CDK12: variants seen among roughly 807,000 people sequenced by gnomAD.
The protein encoded by CDK12 is cyclin dependent kinase 12, also known as cyclin-dependent kinase 12.
Under a neutral mutation model 133.8 loss-of-function variants are expected in CDK12, and 17 were observed. That is an observed-to-expected ratio of 0.13 (90% CI 0.09 to 0.19). CDK12 has a LOEUF of 0.19. Among genes scored for constraint, CDK12 ranks in the 10% least tolerant of loss-of-function variants. The pLI, the probability that CDK12 is intolerant of heterozygous loss-of-function variation, is 1.00. For synonymous variants in CDK12, 694 were observed against 683.6 expected (o/e 1.02, Z -0.24); for missense variants, 1,508 against 1,818.7 (o/e 0.83, Z 3.11).
chr17:39,537,979 C>A (rs990531632), downstream of CDK12, among the ~76,000 whole-genome samples: 1 of 151,930 alleles, frequency 6.6e-6, no homozygotes, highest in South Asian at 2.1e-4. Context: ...TCAGGAAGAC[C>A]CCATTAAAGC....
At chr17:39,543,488 C>A (rs1268298885), upstream of CDK12, among the ~76,000 whole-genome samples, 1 of 152,144 alleles carries the variant, frequency 6.6e-6, no homozygotes, top group Admixed American at 6.5e-5. Context: ...TGGAGCATGC[C>A]TAGGCTGGAA....
chr17:39,555,838 C>T (rs1271217656), intron 2 of CDK12, among the ~76,000 whole-genome samples: 1 of 22,896 alleles, frequency 4.4e-5, no homozygotes, highest in Non-Finnish European at 1.5e-4. Flanking sequence ...TACACACACA[C>T]ACACACACAC....
Position 39,533,941 on chromosome 17 carries a change from A to G in CDK12, c.*2625A>G, listed in dbSNP as rs1251972012. 1 of 232,136 alleles carries G rather than the reference A, an allele frequency of 4.3e-6. No individual in the cohort carries two copies. Among genetic ancestry groups the G allele is most frequent in the African/African-American group, 2.2e-5 (1 of 45,298 alleles). 14.4% of individuals were successfully genotyped at this position (232,136 alleles called of 1,614,324 possible). A position where few individuals can be genotyped will look rare whatever the true frequency, so the allele number is the denominator to read the frequency against. Reference sequence around the variant, plus strand: ...TTGACTATTTGAAAATTACAGACCCAATTAATTCCATTCAAAAGTGGTTTT... The same window carrying G: ...TTGACTATTTGAAAATTACAGACCCGATTAATTCCATTCAAAAGTGGTTTT... On this transcript the variant is annotated 3_prime_UTR_variant, in exon 14 of 14. Coordinates refer to ENST00000447079, the MANE Select transcript of CDK12 (RefSeq NM_016507.4).
Position 39,530,385 on chromosome 17 carries a change from TATG to T in CDK12, c.3761-216_3761-214del, listed in dbSNP as rs1407614086. 1.3e-5 allele frequency: 7 copies of T among 532,132 alleles called. No homozygotes were observed. The East Asian group carries it at 2.1e-4, about 16-fold the overall frequency. The allele number at this position is 532,132 out of a possible 1,614,324, so 33.0% of individuals were successfully genotyped here. ...AAAATCAGGATAATCATTTGAAACA[TATG>T]ATATTTTTACACTAGCTGTTAGATC... is the stretch of plus-strand genomic sequence containing the variant. On this transcript the variant is annotated intron_variant, in intron 13 of 13. Coordinates refer to ENST00000447079, the MANE Select transcript of CDK12 (RefSeq NM_016507.4).
intron 2 of CDK12, among the ~76,000 whole-genome samples, chr17:39,476,730 T>C (rs916219403): frequency 8.1e-6 from 1 of 122,778 alleles, no homozygotes; most frequent in African/African-American, 3.2e-5. Flanking sequence ...TTTTTTTTTT[T>C]TTTTTTTTTT....
rs574024552 is a variant in CDK12, at chr17:39,532,075, T to C, written c.*759T>C. 8.6e-6 allele frequency: 2 copies of C among 232,870 alleles called. No individual in the cohort carries two copies. The highest frequency in any genetic ancestry group is 3.6e-4 in the South Asian group (2 of 5,498). 14.4% of individuals were successfully genotyped at this position (232,870 alleles called of 1,614,324 possible). On this transcript the variant is annotated 3_prime_UTR_variant, in exon 14 of 14. Coordinates refer to ENST00000447079, the MANE Select transcript of CDK12 (RefSeq NM_016507.4). Reference sequence around the variant, plus strand: ...GACTTTACCCAGTCTCTTTCCTTTTTTGCTGATGTGTGCTCTCTCTCTCTC... The same window carrying C: ...GACTTTACCCAGTCTCTTTCCTTTTCTGCTGATGTGTGCTCTCTCTCTCTC...
chr17:39,468,703 G>A (rs1002280488), intron 1 of CDK12, among the ~76,000 whole-genome samples: 3 of 151,994 alleles, frequency 2.0e-5, no homozygotes, highest in South Asian at 2.1e-4. Flanking sequence ...TCGAACTCCC[G>A]AACTCAGGTA....
At chr17:39,535,364 GTGA>G (rs1257307113), downstream of CDK12, among the ~76,000 whole-genome samples, 2 of 152,190 alleles carry the variant, frequency 1.3e-5, no homozygotes, top group Admixed American at 6.5e-5. Flanking sequence ...TCAAAAACTG[GTGA>G]TGATGAGAGT....
At position 39,501,330 on chromosome 17, in the gene CDK12, G is replaced by A. The variant is rs2146140576; in HGVS notation, c.2500G>A (p.Asp834Asn). The change falls in exon 6 of 14, where the codon GAC (aspartate) becomes AAC (asparagine). Residue 834 changes from aspartate (D) to asparagine (N), a missense_variant. By Grantham distance (23) the Asp-to-Asn change is conservative. Coordinates refer to ENST00000447079, the MANE Select transcript of CDK12 (RefSeq NM_016507.4). ...ATCTGGTTTGGTGCACTTTTCTGAGGACCATATCAAGTCGTTCATGAAACA... is the reference window on the plus strand; with the variant it reads ...ATCTGGTTTGGTGCACTTTTCTGAGAACCATATCAAGTCGTTCATGAAACA... The part of the protein sequence containing the change: ...LESGLVHFSE[D>N]HIKSFMKQLM... 6.8e-6 allele frequency: 11 copies of A among 1,613,512 alleles called. No homozygotes were observed. The highest frequency in any genetic ancestry group is 9.3e-6 in the Non-Finnish European group (11 of 1,179,670).
intron 5 of CDK12, 52 bp downstream of exon 5, chr17:39,494,746 T>A: frequency 7.9e-7 from 1 of 1,273,404 alleles, no homozygotes; most frequent in Non-Finnish European, 1.1e-6. Flanking sequence ...AATCTTTGCC[T>A]TTCTTTTTTT....
Position 39,494,604 on chromosome 17 carries a change from A to C in CDK12, c.2329A>C (p.Ile777Leu). Residue 777 changes from isoleucine (I) to leucine (L), a missense_variant, in exon 5 of 14, where the codon ATC becomes CTC. Around this residue, in one of 9 missense-constraint regions of CDK12, gnomAD observed 74 missense variants for 160.2 expected, o/e 0.46. Coordinates refer to ENST00000447079, the MANE Select transcript of CDK12 (RefSeq NM_016507.4). ...FPITAIREIK[I>L]LRQLIHRSVV... ...AATCACAGCCATTCGTGAAATCAAA[A>C]TCCTTCGTCAGTTAATCCACCGAAG... is the stretch of plus-strand genomic sequence containing the variant. 6.2e-7 allele frequency: 1 copy of C among 1,613,302 alleles called. No homozygotes were observed. Among genetic ancestry groups the C allele is most frequent in the Non-Finnish European group, 8.5e-7 (1 of 1,179,458 alleles).
At chr17:39,561,764 C>T (rs2056381637) in intron 3 of CDK12, among the ~76,000 whole-genome samples, 1 of 152,046 alleles carries the variant, frequency 6.6e-6, no homozygotes, top group South Asian at 2.1e-4. Context: ...TAACAGTTTT[C>T]CCCACTCACT....
intron 1 of CDK12, among the ~76,000 whole-genome samples, chr17:39,466,427 C>T (rs1246893114): frequency 1.3e-5 from 2 of 150,322 alleles, no homozygotes; most frequent in African/African-American, 4.9e-5. Context: ...CCAGCCTGAC[C>T]AACATGGAGA....
intron 2 of CDK12, among the ~76,000 whole-genome samples, chr17:39,489,876 G>A (rs925340584): frequency 6.8e-6 from 1 of 147,480 alleles, no homozygotes; most frequent in African/African-American, 2.5e-5. Context: ...CTGGCCTCAA[G>A]CAATCCTCTT....
At chr17:39,514,893 C>T (rs1567763979) in intron 8 of CDK12, among the ~76,000 whole-genome samples, 1 of 152,124 alleles carries the variant, frequency 6.6e-6, no homozygotes, top group Non-Finnish European at 1.5e-5. Flanking sequence ...CCGTACCCTC[C>T]CATTCCCAGG....
intron 2 of CDK12, among the ~76,000 whole-genome samples, chr17:39,472,958 C>A (rs2145251414): frequency 6.6e-6 from 1 of 152,068 alleles, no homozygotes; most frequent in South Asian, 2.1e-4. Context: ...CACCTGTAGT[C>A]CCAGCTACTT....
intron 2 of CDK12, among the ~76,000 whole-genome samples, chr17:39,489,270 G>A (rs1451839626): frequency 6.6e-6 from 1 of 151,638 alleles, no homozygotes; most frequent in African/African-American, 2.4e-5. Context: ...GGGTTTCACT[G>A]TATTGCCCAG....
chr17:39,531,014 G>A lies in CDK12; in HGVS notation c.4171G>A (p.Gly1391Ser), dbSNP rs776812576. The A allele has an allele frequency of 3.1e-6, 5 of 1,614,096 alleles. No homozygotes were observed. The highest frequency in any genetic ancestry group is 1.1e-5 in the South Asian group (1 of 91,078). Residue 1391 changes from glycine to serine, a missense_variant, in exon 14 of 14, where the codon GGC (glycine) becomes AGC (serine). Gly to Ser is a moderately conservative substitution (Grantham distance 56). This residue lies in a region of CDK12 where 399 missense variants were observed against 469.6 expected (regional missense o/e 0.85). Coordinates refer to ENST00000447079, the MANE Select transcript of CDK12 (RefSeq NM_016507.4). The part of the protein sequence containing the change: ...SHLGESSSYQ[G>S]TGSVQFPGDQ... ...CCTTGGGGAGTCCAGCAGTTACCAG[G>A]GCACAGGGTCAGTGCAGTTTCCAGG...
At chr17:39,496,912 CTT>C (rs71147349) in intron 5 of CDK12, among the ~76,000 whole-genome samples, 36 of 87,812 alleles carry the variant, frequency 4.1e-4, no homozygotes, top group African/African-American at 1.7e-3. Flanking sequence ...TTCAGTATAT[CTT>C]TTTTTTTTTT....
Sources: gnomAD v4.1 joint callset for allele counts (sites outside exome capture counted in the v4.1 genomes callset) on GRCh38, gnomAD v4.1.1 for gene constraint, gnomAD v4.1.1 regional missense constraint, MANE v1.5 for transcripts, NCBI Gene and HGNC (gene_info 2026-07-23, HGNC 2026-07-21) for gene names.